Variants in TRAPPC9 observed in about 807,000 individuals in gnomAD.
TRAPPC9 encodes the protein IKK2 binding protein.
A neutral mutation model predicts 124.0 loss-of-function variants in TRAPPC9; 83 were observed. That is an observed-to-expected ratio of 0.67 (90% CI 0.56 to 0.80). The LOEUF is 0.80. Among genes scored for constraint, TRAPPC9 ranks in the 30% least tolerant of loss-of-function variants. TRAPPC9 has a pLI of 0.00. For synonymous variants in TRAPPC9, 638 were observed against 617.5 expected, an observed-to-expected ratio of 1.03 and a Z score of -0.49; for missense variants, 1,302 against 1,508.3, an observed-to-expected ratio of 0.86 and a Z score of 2.27.
At chr8:139,785,809 A>C (rs78128296) in intron 21 of TRAPPC9, among the ~76,000 whole-genome samples, 2 of 152,346 alleles carry the variant, frequency 1.3e-5, no homozygotes, top group African/African-American at 4.8e-5. Context: ...TATTAAGAGA[A>C]TGAAAAGACA....
intron 14 of TRAPPC9, among the ~76,000 whole-genome samples, chr8:140,283,294 C>CTT (rs376320364): frequency 0.46 from 45,018 of 97,078 alleles, 12,983 homozygotes; most frequent in African/African-American, 0.62. Flanking sequence ...ATTAAAATTC[C>CTT]TTTTTTTTTT....
intron 21 of TRAPPC9, among the ~76,000 whole-genome samples, chr8:139,802,570 C>T (rs895951738): frequency 1.3e-5 from 2 of 152,176 alleles, no homozygotes; most frequent in African/African-American, 4.8e-5. Flanking sequence ...TTCACAGGAT[C>T]GCTGTGAGGA....
intron 18 of TRAPPC9, among the ~76,000 whole-genome samples, chr8:140,004,293 C>T (rs1407917414): frequency 1.3e-5 from 2 of 152,018 alleles, no homozygotes; most frequent in Non-Finnish European, 2.9e-5. Flanking sequence ...ATCTGTGTTG[C>T]TCATTAAAGT....
At chr8:139,879,060 G>A (rs557489101) in intron 21 of TRAPPC9, among the ~76,000 whole-genome samples, 11 of 152,260 alleles carry the variant, frequency 7.2e-5, no homozygotes, top group Non-Finnish European at 1.3e-4. Flanking sequence ...CAAAGCTGGG[G>A]ATACTGAGTC....
intron 19 of TRAPPC9, among the ~76,000 whole-genome samples, chr8:139,960,331 G>A (rs1218019216): frequency 6.6e-6 from 1 of 152,050 alleles, no homozygotes; most frequent in Non-Finnish European, 1.5e-5. Flanking sequence ...AAGAACAAAG[G>A]CCCAGTGAGA....
At position 140,231,302 on chromosome 8, in the gene TRAPPC9, G is replaced by A. The variant is rs372690054; in HGVS notation, c.2432-9719C>T. On this transcript the variant is annotated intron_variant, in intron 16 of 22. Coordinates refer to ENST00000438773, the MANE Select transcript of TRAPPC9 (RefSeq NM_001160372.4). Reference sequence around the variant, plus strand: ...TTGTGTCATGTGGCAGCCAAGAACTGTATGCCTGCACTGAAAAGCACCTAA... The same window carrying A: ...TTGTGTCATGTGGCAGCCAAGAACTATATGCCTGCACTGAAAAGCACCTAA... Among the ~76,000 whole-genome samples, 4 of 152,128 alleles carry A rather than the reference G, an allele frequency of 2.6e-5. No homozygotes were observed. In the East Asian group the frequency reaches 7.7e-4, roughly 29 times the overall value.
intron 21 of TRAPPC9, among the ~76,000 whole-genome samples, chr8:139,875,573 G>A (rs970218472): frequency 2.0e-5 from 3 of 152,168 alleles, no homozygotes; most frequent in African/African-American, 2.4e-5. Flanking sequence ...TGGGCCATGC[G>A]ACAGCCTTCG....
chr8:139,810,133 C>T (rs763629296), intron 21 of TRAPPC9, among the ~76,000 whole-genome samples: 2 of 152,078 alleles, frequency 1.3e-5, no homozygotes, highest in South Asian at 4.2e-4. Flanking sequence ...TGATATGAAG[C>T]CACCAGGAAG....
chr8:140,282,048 T>C (rs1031967656), intron 14 of TRAPPC9, among the ~76,000 whole-genome samples: 5 of 152,234 alleles, frequency 3.3e-5, no homozygotes, highest in Non-Finnish European at 7.3e-5. Context: ...ACCAGGACTG[T>C]CATGATCAGT....
chr8:139,999,963 G>A (rs117162145), intron 18 of TRAPPC9, among the ~76,000 whole-genome samples: 3,244 of 152,144 alleles, frequency 0.021, 57 homozygotes, highest in Non-Finnish European at 0.031. Flanking sequence ...AAGAAAGAAC[G>A]GCTTCAAATC....
intron 18 of TRAPPC9, among the ~76,000 whole-genome samples, chr8:140,020,542 C>T (rs967357457): frequency 6.6e-6 from 1 of 152,018 alleles, no homozygotes; most frequent in African/African-American, 2.4e-5. Context: ...AGGACAATCA[C>T]TTGAGCCCAG....
At chr8:140,077,494 C>T (rs2129938326) in intron 17 of TRAPPC9, among the ~76,000 whole-genome samples, 1 of 152,218 alleles carries the variant, frequency 6.6e-6, no homozygotes, top group African/African-American at 2.4e-5. Context: ...TCTCTAAGAG[C>T]TGACCCCAGA....
chr8:139,818,746 T>C (rs1466015561), intron 21 of TRAPPC9, among the ~76,000 whole-genome samples: 1 of 152,232 alleles, frequency 6.6e-6, no homozygotes, highest in Non-Finnish European at 1.5e-5. Flanking sequence ...AACTGGCTTA[T>C]GAAATTCCTG....
chr8:140,185,386 C>A (rs975328662), intron 17 of TRAPPC9, among the ~76,000 whole-genome samples: 6 of 152,208 alleles, frequency 3.9e-5, no homozygotes, highest in Non-Finnish European at 7.3e-5. Context: ...AGGTGCTACG[C>A]CATCACCAAA....
intron 10 of TRAPPC9, among the ~76,000 whole-genome samples, chr8:140,310,452 C>T (rs540036137): frequency 6.6e-6 from 1 of 152,182 alleles, no homozygotes; most frequent in South Asian, 2.1e-4. Context: ...GGTCTTCAAA[C>T]AAATATTTCA....
At chr8:140,089,952 C>A (rs940046840) in intron 17 of TRAPPC9, among the ~76,000 whole-genome samples, 2 of 152,112 alleles carry the variant, frequency 1.3e-5, no homozygotes, top group African/African-American at 4.8e-5. Flanking sequence ...TGGCGGTGCA[C>A]GCCTGTAGTC....
intron 19 of TRAPPC9, among the ~76,000 whole-genome samples, chr8:139,919,888 C>T (rs1832402462): frequency 6.6e-6 from 1 of 152,250 alleles, no homozygotes; most frequent in African/African-American, 2.4e-5. Flanking sequence ...CCCGCTCAGA[C>T]TCCAGGCGCG....
rs1169172833 is a variant in TRAPPC9, at chr8:139,776,016, G to T, written c.3056-43814C>A. On this transcript the variant is annotated intron_variant, in intron 21 of 22. Transcript: ENST00000438773. This position sits in a 1 kb window ranked among gnomAD's most constrained non-coding sequence, Gnocchi z 4.1. ...CTGGGCCAGCCTCCCAGCTTCTGTT[G>T]CTTCTGGCTCTGAGCTGTCTTCCTC... Among the ~76,000 whole-genome samples the T allele has an allele frequency of 6.6e-6, 1 of 152,198 alleles. No individual in the cohort carries two copies. Among genetic ancestry groups the T allele is most frequent in the Non-Finnish European group, 1.5e-5 (1 of 68,040 alleles).
chr8:140,276,514 G>A (rs894973984), intron 14 of TRAPPC9, among the ~76,000 whole-genome samples: 4 of 152,114 alleles, frequency 2.6e-5, no homozygotes, highest in Non-Finnish European at 4.4e-5. Flanking sequence ...GGGCCTCCCC[G>A]AGGCTCCTGC....
Sources: allele counts gnomAD v4.1 joint callset (sites outside exome capture counted in the v4.1 genomes callset), GRCh38; gene constraint gnomAD v4.1.1; non-coding constraint Gnocchi (gnomAD v3.1); transcripts MANE v1.5; gene names NCBI Gene and HGNC (gene_info 2026-07-23, HGNC 2026-07-21).